AXDND1: variants seen among roughly 807,000 people sequenced by gnomAD.
The protein encoded by AXDND1 is axonemal dynein light chain domain-containing protein 1.
In AXDND1, 110 loss-of-function variants were observed where a neutral mutation model predicts 137.5. The observed-to-expected ratio is 0.80, with a 90% CI of 0.69 to 0.94. AXDND1 has a LOEUF of 0.94. Among genes scored for constraint, AXDND1 ranks in the 40% least tolerant of loss-of-function variants. The probability of loss-of-function intolerance (pLI) is 0.00; values close to 1 mark genes in which losing one functional copy is unlikely to be tolerated. For missense variants in AXDND1, 1,191 were observed against 1,169.8 expected (o/e 1.02, Z -0.26); for synonymous variants, 414 against 399.7 (o/e 1.04, Z -0.43).
chr1:179,455,544 AG>A (rs1226492124), intron 16 of AXDND1: 1 of 147,646 alleles, frequency 6.8e-6, no homozygotes, highest in Non-Finnish European at 1.5e-5. Flanking sequence ...CAGTGAGCTG[AG>A]ATCGCGCCAC....
intron 25 of AXDND1, among the ~76,000 whole-genome samples, chr1:179,541,965 A>G (rs1005469581): frequency 1.3e-5 from 2 of 152,216 alleles, no homozygotes; most frequent in Non-Finnish European, 2.9e-5. Flanking sequence ...AATGCAAGAA[A>G]CAGGATATGA....
At chr1:179,456,078 T>G in intron 16 of AXDND1, 2 of 479,052 alleles carry the variant, frequency 4.2e-6, no homozygotes, top group East Asian at 1.2e-4. Context: ...TTGCCCATAC[T>G]CATCAGTATT....
intron 4 of AXDND1, among the ~76,000 whole-genome samples, chr1:179,372,677 A>AATT (rs997319028): frequency 7.9e-5 from 12 of 151,988 alleles, no homozygotes; most frequent in African/African-American, 2.7e-4. Flanking sequence ...ACATATCTCT[A>AATT]ATTATTATTA....
At chr1:179,511,389 A>G (rs972929516) in intron 21 of AXDND1, among the ~76,000 whole-genome samples, 41 of 106,194 alleles carry the variant, frequency 3.9e-4, no homozygotes, top group Non-Finnish European at 5.9e-4. Flanking sequence ...TATATGGTAT[A>G]TGGGGTGTGT....
intron 16 of AXDND1, among the ~76,000 whole-genome samples, chr1:179,462,264 G>A (rs985311046): frequency 2.0e-5 from 3 of 152,198 alleles, no homozygotes; most frequent in Admixed American, 2.0e-4. Context: ...AAGGGCTGCT[G>A]AATTTTGTCA....
Position 179,486,133 on chromosome 1 carries a change from A to C in AXDND1, c.2091+2912A>C, listed in dbSNP as rs867553218. Among the ~76,000 whole-genome samples, 5 of 66,188 alleles carry C rather than the reference A, an allele frequency of 7.6e-5. 1 individual carries two copies. Among genetic ancestry groups the C allele is most frequent in the Non-Finnish European group, 1.1e-4 (3 of 28,552 alleles). The allele number at this position is 66,188 out of a possible 152,430, so 43.4% of individuals were successfully genotyped here. On this transcript the variant is annotated intron_variant, in intron 18 of 25. Transcript: ENST00000367618. ...AAACTCTGTCTCAAAAAAAAAAAAA[A>C]AAAAAAAACCTGATAGAAATGAAAA...
At chr1:179,422,713 C>T (rs549281730) in intron 12 of AXDND1, among the ~76,000 whole-genome samples, 4 of 152,262 alleles carry the variant, frequency 2.6e-5, no homozygotes, top group Non-Finnish European at 5.9e-5. Flanking sequence ...CTGTCCATTA[C>T]TGAAAAGAGT....
In AXDND1 at chr1:179,445,130, A is replaced by G; in HGVS notation, c.1724A>G (p.Gln575Arg). The change falls in exon 16 of 26, where the codon CAG becomes CGG. Residue 575 changes from glutamine (Q) to arginine (R), a missense_variant. Coordinates refer to ENST00000367618, the MANE Select transcript of AXDND1 (RefSeq NM_144696.6). Reference sequence around the variant, plus strand: ...GAGGGGGAGATGCCATCAGAGCGACAGTACATGGAGGAAATTATCAAAAAC... The same window carrying G: ...GAGGGGGAGATGCCATCAGAGCGACGGTACATGGAGGAAATTATCAAAAAC... ...SLEGEMPSER[Q>R]YMEEIIKNIQ... 1 of 1,613,146 alleles carries G rather than the reference A, an allele frequency of 6.2e-7. No homozygotes were observed. The highest frequency in any genetic ancestry group is 1.1e-5 in the South Asian group (1 of 90,982).
intron 5 of AXDND1, 137 bp from the exon 6 acceptor site, chr1:179,379,260 A>G: frequency 1.2e-6 from 1 of 847,876 alleles, no homozygotes; most frequent in Non-Finnish European, 1.8e-6. Context: ...CACATTGCTA[A>G]TATTGTTATT....
In AXDND1 at chr1:179,366,514, C is replaced by G; in HGVS notation, c.5C>G (p.Ser2Cys). 3 of 1,610,862 alleles carry G rather than the reference C, an allele frequency of 1.9e-6. No homozygotes were observed. Among genetic ancestry groups the G allele is most frequent in the Non-Finnish European group, 2.5e-6 (3 of 1,177,248 alleles). M[S>C]LPKTPSTPLN... ...AGATAGGAGGCATTGTTTATTATGT[C>G]TCTCCCGAAAACGCCCTCCACCCCG... Residue 2 changes from serine to cysteine, a missense_variant, in exon 2 of 26, where the codon TCT becomes TGT. Transcript: ENST00000367618.
At chr1:179,397,884 C>A (rs1467861088) in intron 11 of AXDND1, among the ~76,000 whole-genome samples, 1 of 152,122 alleles carries the variant, frequency 6.6e-6, no homozygotes, top group African/African-American at 2.4e-5. Flanking sequence ...CTGTCAGCTC[C>A]TTTATCATTT....
intron 25 of AXDND1, among the ~76,000 whole-genome samples, chr1:179,540,226 T>C (rs1373913142): frequency 6.6e-6 from 1 of 152,160 alleles, no homozygotes; most frequent in East Asian, 1.9e-4. Flanking sequence ...CATCCAGTTT[T>C]GTTCCCTTGC....
intron 4 of AXDND1, among the ~76,000 whole-genome samples, chr1:179,375,306 A>G (rs1351210681): frequency 6.6e-6 from 1 of 151,756 alleles, no homozygotes; most frequent in African/African-American, 2.4e-5. Flanking sequence ...GTTTCACTAT[A>G]TTGGCTAGGC....
chr1:179,536,930 C>T (rs1482295203), intron 25 of AXDND1, among the ~76,000 whole-genome samples: 2 of 152,168 alleles, frequency 1.3e-5, no homozygotes, highest in East Asian at 3.8e-4. Flanking sequence ...TTCTTCACAT[C>T]CCTTGTAAGT....
At chr1:179,449,067 G>A (rs1288241452) in intron 16 of AXDND1, 2 of 424,266 alleles carry the variant, frequency 4.7e-6, no homozygotes, top group South Asian at 1.7e-5. Context: ...TTTATTTTTT[G>A]TAGAGACAGG....
intron 15 of AXDND1, among the ~76,000 whole-genome samples, chr1:179,443,236 T>A (rs1659261564): frequency 6.6e-6 from 1 of 152,208 alleles, no homozygotes; most frequent in Non-Finnish European, 1.5e-5. Flanking sequence ...GAGCGCTGAG[T>A]TGGTCCCGTC....
chr1:179,427,000 A>T (rs1195996557), intron 12 of AXDND1, among the ~76,000 whole-genome samples: 1 of 148,742 alleles, frequency 6.7e-6, no homozygotes, highest in East Asian at 1.9e-4. Context: ...CGTCTCTACT[A>T]AAAAAATTAC....
intron 25 of AXDND1, chr1:179,551,572 A>C: frequency 2.7e-6 from 3 of 1,125,792 alleles, no homozygotes; most frequent in Non-Finnish European, 3.9e-6. Context: ...ACGGTTAAGC[A>C]TAGAACATGT....
At chr1:179,419,885 T>C (rs1655409181) in intron 12 of AXDND1, among the ~76,000 whole-genome samples, 2 of 152,222 alleles carry the variant, frequency 1.3e-5, no homozygotes, top group South Asian at 4.1e-4. Context: ...TAAGATTATG[T>C]CTTTTGTGAA....
Sources: gnomAD v4.1 joint callset for allele counts (sites outside exome capture counted in the v4.1 genomes callset) on GRCh38, gnomAD v4.1.1 for gene constraint, MANE v1.5 for transcripts, NCBI Gene and HGNC (gene_info 2026-07-23, HGNC 2026-07-21) for gene names.